TNRC18: variants seen among roughly 807,000 people sequenced by gnomAD.
TNRC18 encodes the protein trinucleotide repeat-containing gene 18 protein.
A neutral mutation model predicts 226.7 loss-of-function variants in TNRC18; 69 were observed. The observed-to-expected ratio is 0.30, with a 90% CI of 0.25 to 0.37. The LOEUF is 0.37. Among genes scored for constraint, TNRC18 ranks in the 10% least tolerant of loss-of-function variants. TNRC18 has a pLI of 1.00. For missense variants in TNRC18, 4,754 were observed against 4,256.6 expected, an observed-to-expected ratio of 1.12 and a Z score of -3.25; for synonymous variants, 2,449 against 1,927.6, an observed-to-expected ratio of 1.27 and a Z score of -7.09.
intron 2 of TNRC18, among the ~76,000 whole-genome samples, chr7:5,396,087 C>T (rs1780665192): frequency 6.7e-6 from 1 of 148,546 alleles, no homozygotes; most frequent in South Asian, 2.1e-4. Context: ...AGGAGAATCA[C>T]TTGAAGCCCG....
intron 4 of TNRC18, 55 bp from the exon 5 acceptor site, chr7:5,389,391 T>C: frequency 3.3e-6 from 4 of 1,208,330 alleles, no homozygotes; most frequent in Non-Finnish European, 4.1e-6. Context: ...CTCCCACCCC[T>C]GCCTGGGCGG....
chr7:5,363,157 G>C (rs1162464069), intron 11 of TNRC18, among the ~76,000 whole-genome samples: 1 of 152,046 alleles, frequency 6.6e-6, no homozygotes, highest in Non-Finnish European at 1.5e-5. Flanking sequence ...ACAAAAACTA[G>C]CCGGGTGTAG....
chr7:5,403,756 C>T (rs1781271708), intron 2 of TNRC18, among the ~76,000 whole-genome samples: 1 of 151,354 alleles, frequency 6.6e-6, no homozygotes, highest in Admixed American at 6.6e-5. Context: ...CACCACTGCA[C>T]ACCAGCCTGG....
chr7:5,316,315 C>T (rs1381842814), intron 24 of TNRC18, among the ~76,000 whole-genome samples: 2 of 118,628 alleles, frequency 1.7e-5, no homozygotes, highest in African/African-American at 6.4e-5. Context: ...GTTTCGCTGT[C>T]GATGCCCAGG....
chr7:5,363,158 C>T (rs1583920189), intron 11 of TNRC18, among the ~76,000 whole-genome samples: 1 of 152,058 alleles, frequency 6.6e-6, no homozygotes, highest in Non-Finnish European at 1.5e-5. Flanking sequence ...CAAAAACTAG[C>T]CGGGTGTAGT....
chr7:5,372,226 C>A (rs917533200), intron 10 of TNRC18, among the ~76,000 whole-genome samples: 12 of 151,516 alleles, frequency 7.9e-5, no homozygotes, highest in Admixed American at 2.6e-4. Flanking sequence ...CGCCACCATG[C>A]CTGGCTAATT....
chr7:5,382,832 C>A (rs988654461), intron 5 of TNRC18, among the ~76,000 whole-genome samples: 2 of 152,162 alleles, frequency 1.3e-5, no homozygotes, highest in African/African-American at 4.8e-5. Context: ...CACAGGTCCA[C>A]GCCCTCACAG....
intron 19 of TNRC18, among the ~76,000 whole-genome samples, chr7:5,326,323 T>C (rs1284172125): frequency 6.6e-6 from 1 of 152,132 alleles, no homozygotes; most frequent in East Asian, 1.9e-4. Flanking sequence ...CTGATACATA[T>C]GAAAGGAGCT....
At chr7:5,371,917 G>A (rs1032175074) in intron 10 of TNRC18, among the ~76,000 whole-genome samples, 1 of 151,832 alleles carries the variant, frequency 6.6e-6, no homozygotes, top group Non-Finnish European at 1.5e-5. Flanking sequence ...TTTTTTTTGA[G>A]ACAGAACTTC....
At chr7:5,414,346 T>C (rs1782027424) in intron 2 of TNRC18, among the ~76,000 whole-genome samples, 1 of 151,558 alleles carries the variant, frequency 6.6e-6, no homozygotes, top group Non-Finnish European at 1.5e-5. Flanking sequence ...ATTTTTTCTT[T>C]TCCTGAACCA....
rs972823684 is a variant in TNRC18, at chr7:5,390,129, C to T, written c.487+356G>A. Reference sequence around the variant, plus strand: ...CTGTAATCCCAGCACTTTGGAAAGCCGAGGTAGGAGGATTGCTTGAGGCCA... The same window carrying T: ...CTGTAATCCCAGCACTTTGGAAAGCTGAGGTAGGAGGATTGCTTGAGGCCA... On this transcript the variant is annotated intron_variant, in intron 4 of 29. Transcript: ENST00000430969. 53 of 420,628 alleles carry T rather than the reference C, an allele frequency of 1.3e-4. No homozygotes were observed. The East Asian group carries it at 1.9e-3, about 15-fold the overall frequency. 26.1% of individuals were successfully genotyped at this position (420,628 alleles called of 1,614,324 possible).
At chr7:5,366,284 C>G (rs1793608876) in intron 11 of TNRC18, among the ~76,000 whole-genome samples, 1 of 143,408 alleles carries the variant, frequency 7.0e-6, no homozygotes, top group South Asian at 2.3e-4. Context: ...AAAATCATCC[C>G]TAGTTGAGAA....
chr7:5,377,279 C>T lies in TNRC18; in HGVS notation c.2461+92G>A. ...CAGGCCCAGGCCCCCCAGGAAACGG[C>T]AGGCAGGAGCCAGCCCTGAGCTCTT... On this transcript the variant is annotated intron_variant, in intron 7 of 29. Transcript: ENST00000430969. The surrounding 1 kb of genome is among the most constrained non-coding windows in gnomAD (Gnocchi z 5.8). The T allele has an allele frequency of 7.5e-7, 1 of 1,331,672 alleles. No individual in the cohort carries two copies. The highest frequency in any genetic ancestry group is 1.0e-6 in the Non-Finnish European group (1 of 992,612). 82.5% of individuals were successfully genotyped at this position (1,331,672 alleles called of 1,614,324 possible). A position where few individuals can be genotyped will look rare whatever the true frequency, so the allele number is the denominator to read the frequency against.
chr7:5,315,017 G>A lies in TNRC18; in HGVS notation c.6994C>T (p.Arg2332Cys), dbSNP rs570729566. ...SEEPGAKARG[R>C]GRKPSAKAKG... ...GCCTTGGCGCTGGGTTTCCGCCCAC[G>A]CCCACGGGCCTTGGCTCCTGGCTCC... Residue 2332 changes from arginine (R) to cysteine (C), a missense_variant, in exon 26 of 30, where the codon CGT (arginine) becomes TGT (cysteine). Coordinates refer to ENST00000430969, the MANE Select transcript of TNRC18 (RefSeq NM_001080495.3). The A allele has an allele frequency of 3.2e-5, 51 of 1,607,828 alleles. No individual in the cohort carries two copies. The East Asian group carries it at 1.0e-3, about 33-fold the overall frequency.
At chr7:5,330,301 C>T (rs1359163969) in intron 19 of TNRC18, among the ~76,000 whole-genome samples, 2 of 152,126 alleles carry the variant, frequency 1.3e-5, no homozygotes, top group Admixed American at 6.6e-5. Context: ...ATGATCATAG[C>T]TCACTGCAGC....
chr7:5,420,626 G>A (rs982526204), intron 2 of TNRC18: 23 of 460,160 alleles, frequency 5.0e-5, no homozygotes, highest in South Asian at 3.4e-4. Flanking sequence ...GCTGGGAACA[G>A]AACCCAGGAG....
chr7:5,332,296 A>G (rs1333240180), intron 19 of TNRC18, among the ~76,000 whole-genome samples: 1 of 152,102 alleles, frequency 6.6e-6, no homozygotes, highest in Non-Finnish European at 1.5e-5. Flanking sequence ...AGCCAGGTGC[A>G]GTGACATGTG....
In TNRC18 at chr7:5,389,039, A is replaced by G; in HGVS notation, c.785T>C (p.Leu262Pro). Residue 262 changes from leucine to proline, a missense_variant, in exon 5 of 30, where the codon CTG becomes CCG. By Grantham distance (98) the Leu-to-Pro change is moderately conservative. Coordinates refer to ENST00000430969, the MANE Select transcript of TNRC18 (RefSeq NM_001080495.3). ...DRGPPRLAER[L>P]SPFLAESKTK... ...CTTGGACTCAGCCAGGAAGGGCGAC[A>G]GGCGCTCAGCCAGGCGCGGGGGCCC... The G allele has an allele frequency of 7.7e-7, 1 of 1,302,078 alleles. No homozygotes were observed. Among genetic ancestry groups the G allele is most frequent in the African/African-American group, 1.6e-5 (1 of 62,544 alleles). The allele number at this position is 1,302,078 out of a possible 1,614,324, so 80.7% of individuals were successfully genotyped here.
intron 15 of TNRC18, 55 bp downstream of exon 15, chr7:5,359,343 C>A: frequency 6.3e-7 from 1 of 1,592,652 alleles, no homozygotes; most frequent in Admixed American, 1.7e-5. Flanking sequence ...TCTTAACACA[C>A]CCTCCAGACA....
Sources: allele counts gnomAD v4.1 joint callset (sites outside exome capture counted in the v4.1 genomes callset), GRCh38; gene constraint gnomAD v4.1.1; non-coding constraint Gnocchi (gnomAD v3.1); transcripts MANE v1.5; gene names NCBI Gene and HGNC (gene_info 2026-07-23, HGNC 2026-07-21).